Variants in CCSER1 observed in about 807,000 individuals in gnomAD.
CCSER1 encodes serine-rich coiled-coil domain-containing protein 1.
In CCSER1, 41 loss-of-function variants were observed where a neutral mutation model predicts 82.0. That is an observed-to-expected ratio of 0.50 (90% CI 0.39 to 0.65). The LOEUF is 0.65. Among genes scored for constraint, CCSER1 ranks in the 30% least tolerant of loss-of-function variants. The probability of loss-of-function intolerance (pLI) is 0.00; values close to 1 mark genes in which losing one functional copy is unlikely to be tolerated. For missense variants in CCSER1, 1,119 were observed against 1,064.2 expected (o/e 1.05, Z -0.72); for synonymous variants, 414 against 383.9 (o/e 1.08, Z -0.92).
At chr4:90,701,597 T>C (rs973462268) in intron 6 of CCSER1, among the ~76,000 whole-genome samples, 2 of 152,208 alleles carry the variant, frequency 1.3e-5, no homozygotes, top group Non-Finnish European at 2.9e-5. Flanking sequence ...TTTCACGATA[T>C]TGATTCTTCC....
rs141530041 is a variant in CCSER1, at chr4:91,326,646, A to T, written c.2217+240652A>T. ...TTTCCAGCAGTTCCCCAGAGTCCTA[A>T]CTCATTCCATCATTAAGTCAAAAGT... On this transcript the variant is annotated intron_variant, in intron 10 of 10. Coordinates refer to ENST00000509176, the MANE Select transcript of CCSER1 (RefSeq NM_001145065.2). 1.6e-4 allele frequency among the ~76,000 whole-genome samples: 24 copies of T among 151,964 alleles called. No homozygotes were observed. In the East Asian group the frequency reaches 4.7e-3, roughly 30 times the overall value.
chr4:90,571,963 G>C (rs778879557), intron 5 of CCSER1, among the ~76,000 whole-genome samples: 10 of 152,090 alleles, frequency 6.6e-5, no homozygotes, highest in Non-Finnish European at 1.5e-4. Flanking sequence ...GTACTTACTT[G>C]TACCAGTATT....
chr4:90,825,098 C>CA (rs1299886225), intron 8 of CCSER1, among the ~76,000 whole-genome samples: 1 of 152,224 alleles, frequency 6.6e-6, no homozygotes, highest in African/African-American at 2.4e-5. Context: ...TTTGCTGTAG[C>CA]AATAGTACAT....
At chr4:90,300,678 G>A (rs533503287) in intron 1 of CCSER1, among the ~76,000 whole-genome samples, 3 of 152,266 alleles carry the variant, frequency 2.0e-5, no homozygotes, top group South Asian at 2.1e-4. Flanking sequence ...AAGAAGAAAA[G>A]CGAAGGCAAT....
intron 10 of CCSER1, among the ~76,000 whole-genome samples, chr4:91,413,072 A>T (rs1444106475): frequency 5.9e-5 from 9 of 152,184 alleles, no homozygotes; most frequent in Non-Finnish European, 1.5e-5. Flanking sequence ...GGAGCTAAAA[A>T]ATACAATGAT....
At chr4:90,747,685 G>A (rs2149467731) in intron 7 of CCSER1, among the ~76,000 whole-genome samples, 1 of 151,316 alleles carries the variant, frequency 6.6e-6, no homozygotes, top group East Asian at 1.9e-4. Flanking sequence ...AAGTTTTAGG[G>A]TACATATGCA....
chr4:90,416,663 AT>A (rs942994845), intron 4 of CCSER1, among the ~76,000 whole-genome samples: 7 of 152,222 alleles, frequency 4.6e-5, no homozygotes, highest in East Asian at 3.9e-4. Flanking sequence ...ATTATTGGTT[AT>A]TTTTTGTAGA....
chr4:91,435,314 G>T (rs1341201510), intron 10 of CCSER1, among the ~76,000 whole-genome samples: 6 of 151,874 alleles, frequency 4.0e-5, no homozygotes, highest in Non-Finnish European at 8.8e-5. Flanking sequence ...TGGTGGCTGT[G>T]TCTGTACTCT....
At chr4:90,551,708 A>G (rs149671407) in intron 5 of CCSER1, among the ~76,000 whole-genome samples, 1 of 74,070 alleles carries the variant, frequency 1.4e-5, no homozygotes, top group Non-Finnish European at 2.5e-5. Flanking sequence ...CTCTCTCTCT[A>G]TATATATATA....
chr4:90,414,358 T>C (rs1238631249), intron 4 of CCSER1, among the ~76,000 whole-genome samples: 1 of 151,960 alleles, frequency 6.6e-6, no homozygotes, highest in Non-Finnish European at 1.5e-5. Context: ...CTGGAAACCA[T>C]TTTTTGTGAA....
At chr4:90,824,712 G>A (rs1369960625) in intron 8 of CCSER1, among the ~76,000 whole-genome samples, 3 of 152,180 alleles carry the variant, frequency 2.0e-5, no homozygotes, top group South Asian at 2.1e-4. Flanking sequence ...TTTCATGCTA[G>A]TCATTTTAGA....
intron 5 of CCSER1, among the ~76,000 whole-genome samples, chr4:90,615,439 T>A (rs1560817003): frequency 6.6e-6 from 1 of 152,158 alleles, no homozygotes; most frequent in Non-Finnish European, 1.5e-5. Context: ...TTAAGAACAT[T>A]TGTAATTCAT....
intron 7 of CCSER1, among the ~76,000 whole-genome samples, chr4:90,750,720 A>G (rs771308035): frequency 6.6e-6 from 1 of 152,178 alleles, no homozygotes; most frequent in Non-Finnish European, 1.5e-5. Context: ...TGAATACTGT[A>G]CACATGATCA....
intron 6 of CCSER1, among the ~76,000 whole-genome samples, chr4:90,701,797 C>A (rs570167358): frequency 6.6e-6 from 1 of 152,050 alleles, no homozygotes; most frequent in Non-Finnish European, 1.5e-5. Context: ...TGTGTAAGAA[C>A]GCTTATGATT....
intron 5 of CCSER1, among the ~76,000 whole-genome samples, chr4:90,473,223 A>G (rs567619568): frequency 5.1e-4 from 78 of 152,326 alleles, no homozygotes; most frequent in South Asian, 3.3e-3. Flanking sequence ...ATACTTTTTT[A>G]GAAATGTGCT....
intron 5 of CCSER1, among the ~76,000 whole-genome samples, chr4:90,562,476 T>C (rs1247120579): frequency 6.6e-6 from 1 of 152,198 alleles, no homozygotes; most frequent in African/African-American, 2.4e-5. Context: ...ATGCATTATA[T>C]GCTTCACCTA....
chr4:91,050,673 C>G (rs1309855684), intron 9 of CCSER1, among the ~76,000 whole-genome samples: 1 of 152,154 alleles, frequency 6.6e-6, no homozygotes, highest in African/African-American at 2.4e-5. Flanking sequence ...CGAGCAGGAG[C>G]AGTTGCTTCC....
At chr4:90,456,394 T>C (rs1214929865) in intron 4 of CCSER1, among the ~76,000 whole-genome samples, 1 of 152,138 alleles carries the variant, frequency 6.6e-6, no homozygotes, top group African/African-American at 2.4e-5. Flanking sequence ...AAAGAAGAGA[T>C]AGGAGCCACG....
Position 91,260,872 on chromosome 4 carries a change from T to A in CCSER1, c.2217+174878T>A, listed in dbSNP as rs559396572. 2.6e-5 allele frequency among the ~76,000 whole-genome samples: 4 copies of A among 152,292 alleles called. No individual in the cohort carries two copies. In the East Asian group the frequency reaches 7.7e-4, roughly 29 times the overall value. On this transcript the variant is annotated intron_variant, in intron 10 of 10. Transcript: ENST00000509176. ...ACCTCCCGGGTTCACGCCATTCTCCTGCCTCAGCCTCCTGAGTAGCTGGGA... is the reference window on the plus strand; with the variant it reads ...ACCTCCCGGGTTCACGCCATTCTCCAGCCTCAGCCTCCTGAGTAGCTGGGA...
Sources: allele counts gnomAD v4.1 joint callset (sites outside exome capture counted in the v4.1 genomes callset), GRCh38; gene constraint gnomAD v4.1.1; transcripts MANE v1.5; gene names NCBI Gene and HGNC (gene_info 2026-07-23, HGNC 2026-07-21).